KLB: variants seen among roughly 807,000 people sequenced by gnomAD.
The protein encoded by KLB is klotho beta, also known as beta-klotho.
In KLB, 44 loss-of-function variants were observed where a neutral mutation model predicts 88.4. The observed-to-expected ratio is 0.50, with a 90% CI of 0.39 to 0.64. KLB has a LOEUF of 0.64. KLB is among the 30% of genes least tolerant of loss of function. The probability of loss-of-function intolerance (pLI) is 0.00; values close to 1 mark genes in which losing one functional copy is unlikely to be tolerated. For missense variants in KLB, 1,137 were observed against 1,304.8 expected (o/e 0.87, Z 1.98); for synonymous variants, 548 against 513.4 (o/e 1.07, Z -0.91).
At position 39,450,593 on chromosome 4, in the gene KLB, G is replaced by C. The variant is rs909851008; in HGVS notation, c.*1907G>C. On this transcript the variant is annotated 3_prime_UTR_variant, in exon 5 of 5. Coordinates refer to ENST00000257408, the MANE Select transcript of KLB (RefSeq NM_175737.4). ...CAGCTGCACCCACTACCCCAAAGTTGGCAGTTTTGAGGTATGATTTTCAAG... is the reference window on the plus strand; with the variant it reads ...CAGCTGCACCCACTACCCCAAAGTTCGCAGTTTTGAGGTATGATTTTCAAG... 9 of 152,208 alleles carry C rather than the reference G, an allele frequency of 5.9e-5. No individual in the cohort carries two copies. The highest frequency in any genetic ancestry group is 2.2e-4 in the African/African-American group (9 of 41,524). The allele number at this position is 152,208 out of a possible 1,614,324, so 9.4% of individuals were successfully genotyped here.
chr4:39,432,294 A>G (rs1197747019), intron 1 of KLB, among the ~76,000 whole-genome samples: 1 of 152,046 alleles, frequency 6.6e-6, no homozygotes, highest in Admixed American at 6.6e-5. Flanking sequence ...TCAAAGAAAA[A>G]AAAAACAACT....
intron 1 of KLB, among the ~76,000 whole-genome samples, chr4:39,416,531 A>C (rs1742967379): frequency 6.6e-6 from 1 of 152,200 alleles, no homozygotes; most frequent in Non-Finnish European, 1.5e-5. Flanking sequence ...CGGTAATCCC[A>C]ACACTTTGGG....
At chr4:39,421,781 C>CT (rs1479544519) in intron 1 of KLB, among the ~76,000 whole-genome samples, 1 of 152,026 alleles carries the variant, frequency 6.6e-6, no homozygotes, top group Admixed American at 6.6e-5. Flanking sequence ...AGGTCTCACT[C>CT]TGTCACCCAG....
chr4:39,425,241 T>A (rs1195051977), intron 1 of KLB, among the ~76,000 whole-genome samples: 1 of 152,252 alleles, frequency 6.6e-6, no homozygotes, highest in Non-Finnish European at 1.5e-5. Flanking sequence ...TATTCTAGAC[T>A]TTTTTCCTTT....
rs975842628 is a variant in KLB, at chr4:39,448,398, T to G, written c.2847T>G (p.Phe949Leu). ...GATTTGGATTCTTCACATCTGATTT[T>G]AAAGCTAAATCCTCAATACAATTTT... ...KPRFGFFTSD[F>L]KAKSSIQFYN... is the part of the protein sequence containing the mutation. The change falls in exon 5 of 5, where the codon TTT (phenylalanine) becomes TTG (leucine). Residue 949 changes from phenylalanine (F) to leucine (L), a missense_variant. This residue lies in a region of KLB where 426 missense variants were observed against 404.6 expected (regional missense o/e 1.05). Coordinates refer to ENST00000257408, the MANE Select transcript of KLB (RefSeq NM_175737.4). The G allele has an allele frequency of 3.1e-6, 5 of 1,613,972 alleles. No individual in the cohort carries two copies. In the African/African-American group the frequency reaches 5.3e-5, roughly 17 times the overall value.
At chr4:39,417,279 C>T (rs1742985169) in intron 1 of KLB, among the ~76,000 whole-genome samples, 1 of 151,968 alleles carries the variant, frequency 6.6e-6, no homozygotes, top group Non-Finnish European at 1.5e-5. Context: ...CCACCACTTT[C>T]CCCTCCCACA....
chr4:39,435,919 C>T (rs183402568), intron 2 of KLB, among the ~76,000 whole-genome samples: 1 of 152,096 alleles, frequency 6.6e-6, no homozygotes, highest in Admixed American at 6.6e-5. Context: ...TACTTTATTC[C>T]AAGATGTTGA....
rs1477068968 is a variant in KLB at position 39,450,145 on chromosome 4, C to A, written c.*1459C>A. 3.9e-5 allele frequency: 6 copies of A among 152,116 alleles called. No individual in the cohort carries two copies. Among genetic ancestry groups the A allele is most frequent in the Non-Finnish European group, 7.4e-5 (5 of 68,010 alleles). The allele number at this position is 152,116 out of a possible 1,614,324, so 9.4% of individuals were successfully genotyped here. ...ACTAGATCTGACTTGGATAATTTGA[C>A]ACTTTGGGAAATGAACTCTGTTCTT... On this transcript the variant is annotated 3_prime_UTR_variant, in exon 5 of 5. Coordinates refer to ENST00000257408, the MANE Select transcript of KLB (RefSeq NM_175737.4).
In KLB at chr4:39,450,434, A is replaced by T. The variant is rs1031005551; in HGVS notation, c.*1748A>T. 3 of 152,222 alleles carry T rather than the reference A, an allele frequency of 2.0e-5. No individual in the cohort carries two copies. The highest frequency in any genetic ancestry group is 4.4e-5 in the Non-Finnish European group (3 of 68,042). 9.4% of individuals were successfully genotyped at this position (152,222 alleles called of 1,614,324 possible). The stretch of plus-strand genomic sequence containing the variant: ...TTCAGTATCTAACTGCTAATGAACA[A>T]GTTTCCAAAATACTGTAAAAATACA... On this transcript the variant is annotated 3_prime_UTR_variant, in exon 5 of 5. Transcript: ENST00000257408.
At chr4:39,438,044 A>G (rs1170773674) in intron 3 of KLB, 49 bp downstream of exon 3, 12 of 1,535,126 alleles carry the variant, frequency 7.8e-6, no homozygotes, top group Non-Finnish European at 8.0e-6. Flanking sequence ...AACAGTACAC[A>G]CTATTTCATT....
intron 1 of KLB, among the ~76,000 whole-genome samples, chr4:39,415,872 G>T (rs974182191): frequency 2.0e-5 from 3 of 152,058 alleles, no homozygotes; most frequent in Non-Finnish European, 4.4e-5. Context: ...CTAGGTCAAG[G>T]CCTCACCAAC....
intron 2 of KLB, 43 bp downstream of exon 2, chr4:39,434,763 T>A (rs373815019): frequency 3.4e-6 from 5 of 1,450,240 alleles, no homozygotes; most frequent in Non-Finnish European, 4.7e-6. Flanking sequence ...TTCTAAAAAC[T>A]TACAGGATAT....
intron 1 of KLB, among the ~76,000 whole-genome samples, chr4:39,429,363 T>G (rs1309578585): frequency 2.0e-5 from 3 of 152,202 alleles, no homozygotes; most frequent in Non-Finnish European, 1.5e-5. Flanking sequence ...CTTCATCTAT[T>G]TCTAAAGTTG....
intron 1 of KLB, among the ~76,000 whole-genome samples, chr4:39,427,211 G>T (rs28404139): frequency 6.6e-6 from 1 of 152,076 alleles, no homozygotes; most frequent in Non-Finnish European, 1.5e-5. Context: ...GGCCGGACGC[G>T]GTGGTTCATG....
rs1457008041 is a variant in KLB, at chr4:39,449,635, G to T, written c.*949G>T. On this transcript the variant is annotated 3_prime_UTR_variant, in exon 5 of 5. Transcript: ENST00000257408. ...ACTAGATCTGATTTTTTAAAATAAT[G>T]TAATTTCCGGCCAGGCACGGTGGCA... The T allele has an allele frequency of 6.6e-6, 1 of 152,000 alleles. No homozygotes were observed. Among genetic ancestry groups the T allele is most frequent in the Non-Finnish European group, 1.5e-5 (1 of 67,996 alleles). 9.4% of individuals were successfully genotyped at this position (152,000 alleles called of 1,614,324 possible). A position where few individuals can be genotyped will look rare whatever the true frequency, so the allele number is the denominator to read the frequency against.
chr4:39,413,853 A>T (rs979492187), intron 1 of KLB, among the ~76,000 whole-genome samples: 2 of 152,208 alleles, frequency 1.3e-5, no homozygotes, highest in Admixed American at 1.3e-4. Flanking sequence ...GTTAGGGGGA[A>T]AATGTTATCT....
At chr4:39,435,899 CT>C (rs1366709587) in intron 2 of KLB, among the ~76,000 whole-genome samples, 1 of 152,170 alleles carries the variant, frequency 6.6e-6, no homozygotes, top group Non-Finnish European at 1.5e-5. Flanking sequence ...TTAAAGTTTC[CT>C]AACAGTAGTA....
chr4:39,445,684 GT>G (rs67319815), intron 3 of KLB, among the ~76,000 whole-genome samples: 14,169 of 94,772 alleles, frequency 0.15, 868 homozygotes, highest in Non-Finnish European at 0.21. Context: ...TTGTTTTTTT[GT>G]TTTTTTTTTT....
At chr4:39,428,425 T>G (rs1032479213) in intron 1 of KLB, among the ~76,000 whole-genome samples, 1 of 78,958 alleles carries the variant, frequency 1.3e-5, no homozygotes, top group Non-Finnish European at 3.0e-5. Flanking sequence ...TGAAACTACG[T>G]CTCAAAAAAA....
Sources: allele counts gnomAD v4.1 joint callset (sites outside exome capture counted in the v4.1 genomes callset), GRCh38; gene constraint gnomAD v4.1.1; regional missense constraint gnomAD v4.1.1; transcripts MANE v1.5; gene names NCBI Gene and HGNC (gene_info 2026-07-23, HGNC 2026-07-21).